MEGF11: variants seen among roughly 807,000 people sequenced by gnomAD.
MEGF11 encodes the protein multiple EGF like domains 11.
A neutral mutation model predicts 146.6 loss-of-function variants in MEGF11; 126 were observed. The ratio of observed to expected loss-of-function variants is 0.86; its 90% CI spans 0.74 to 1.00. The LOEUF (loss-of-function observed/expected upper bound fraction) is 1.00. MEGF11 is among the 50% of genes least tolerant of loss of function. MEGF11 has a pLI of 0.00. For missense variants in MEGF11, 1,509 were observed against 1,521.2 expected, an observed-to-expected ratio of 0.99 and a Z score of 0.13; for synonymous variants, 532 against 583.4, an observed-to-expected ratio of 0.91 and a Z score of 1.27.
chr15:65,933,201 C>A (rs182620723), intron 10 of MEGF11, among the ~76,000 whole-genome samples: 2 of 152,336 alleles, frequency 1.3e-5, no homozygotes, highest in Admixed American at 6.5e-5. Context: ...GCAGGCCTGA[C>A]CAGTTGGAGT....
At chr15:66,215,449 C>T (rs1213429462) in intron 1 of MEGF11, among the ~76,000 whole-genome samples, 1 of 152,100 alleles carries the variant, frequency 6.6e-6, no homozygotes, top group African/African-American at 2.4e-5. Context: ...CACAATAATA[C>T]AGGAGCTGAT....
intron 1 of MEGF11, among the ~76,000 whole-genome samples, chr15:66,237,701 G>A (rs565599523): frequency 1.2e-4 from 18 of 152,294 alleles, no homozygotes; most frequent in East Asian, 5.8e-4. Flanking sequence ...ATCTCCCGCC[G>A]GGCTCAATGC....
rs2078423743 is a variant in MEGF11, at chr15:65,898,943, C to T, written c.3056-9G>A. 4 of 1,613,376 alleles carry T rather than the reference C, an allele frequency of 2.5e-6. No homozygotes were observed. Among genetic ancestry groups the T allele is most frequent in the Non-Finnish European group, 3.4e-6 (4 of 1,179,470 alleles). ...GGATTCTTTCATGTAATCTGCAAGG[C>T]AAGAGACATTTCTTAGGACAAGCAA... On this transcript the variant is annotated splice_polypyrimidine_tract_variant and intron_variant, in intron 24 of 25. Transcript: ENST00000395614.
chr15:66,143,368 G>A (rs1352235816), intron 1 of MEGF11, among the ~76,000 whole-genome samples: 3 of 152,326 alleles, frequency 2.0e-5, no homozygotes, highest in African/African-American at 7.2e-5. Context: ...GCGGACAGGG[G>A]ATGAGATTCC....
At chr15:66,061,539 T>C (rs954300895) in intron 5 of MEGF11, among the ~76,000 whole-genome samples, 4 of 152,134 alleles carry the variant, frequency 2.6e-5, no homozygotes, top group Non-Finnish European at 1.5e-5. Flanking sequence ...GGCAAACTCA[T>C]GACCTACTCA....
chr15:66,127,057 G>A (rs971807521), intron 2 of MEGF11, among the ~76,000 whole-genome samples: 11 of 152,124 alleles, frequency 7.2e-5, no homozygotes, highest in African/African-American at 2.2e-4. Flanking sequence ...TTTGTGAAAC[G>A]GCTGCCCTTG....
chr15:66,098,744 T>C (rs2086656354), intron 4 of MEGF11, among the ~76,000 whole-genome samples: 1 of 152,328 alleles, frequency 6.6e-6, no homozygotes, highest in East Asian at 1.9e-4. Context: ...TACATCCACG[T>C]GGACCCAAGT....
chr15:66,094,518 G>A (rs375763959), intron 4 of MEGF11, 24 bp from the exon 5 acceptor site: 2 of 1,543,148 alleles, frequency 1.3e-6, no homozygotes, highest in African/African-American at 1.4e-5. Flanking sequence ...GGGAGAGGGA[G>A]GAAGAACCAG....
In MEGF11 at chr15:66,213,668, C is replaced by T. The variant is rs150249298; in HGVS notation, c.-9+39937G>A. Among the ~76,000 whole-genome samples the T allele has an allele frequency of 5.5e-3, 829 of 151,922 alleles. 5 individuals are homozygous for T. Among genetic ancestry groups the T allele is most frequent in the South Asian group, 0.01 (50 of 4,784 alleles). On this transcript the variant is annotated intron_variant, in intron 1 of 25. Transcript: ENST00000395614. ...CTGGCTTCAAACAATCCTCCTGCCT[C>T]AGCATCCCAAAGCACTGAGATTACA...
intron 10 of MEGF11, among the ~76,000 whole-genome samples, chr15:65,931,732 A>G (rs1363905098): frequency 6.6e-6 from 1 of 152,204 alleles, no homozygotes; most frequent in East Asian, 1.9e-4. Flanking sequence ...GAGTAGTAAT[A>G]TCCTATCCGC....
At chr15:66,145,233 C>T (rs1403188198) in intron 1 of MEGF11, among the ~76,000 whole-genome samples, 4 of 152,116 alleles carry the variant, frequency 2.6e-5, no homozygotes, top group African/African-American at 9.7e-5. Flanking sequence ...CTAATGATAA[C>T]TCTGTGAGCT....
chr15:66,048,592 G>C (rs2084322372), intron 5 of MEGF11, among the ~76,000 whole-genome samples: 1 of 152,232 alleles, frequency 6.6e-6, no homozygotes. Context: ...AACACACACA[G>C]AGACATCTTG....
Position 65,982,482 on chromosome 15 carries a change from T to C in MEGF11, c.401A>G (p.Asp134Gly). ...GCAGTGGGGCCCCCAGTGGTCGCTG[T>C]CGCAGCCTGCAAGAGACGGGACAGT... ...WGGPDCSSGCDSDHWGPHCSN... is the reference protein window; with the variant it reads ...WGGPDCSSGCGSDHWGPHCSN... Residue 134 changes from aspartate (D) to glycine (G), a missense_variant, in exon 6 of 26, where the codon GAC becomes GGC. Asp to Gly is a moderately conservative substitution (Grantham distance 94, BLOSUM62 -1). Transcript: ENST00000395614. The surrounding 1 kb of genome is among the most constrained non-coding windows in gnomAD (Gnocchi z 5.6). 2 of 1,476,146 alleles carry C rather than the reference T, an allele frequency of 1.4e-6. No individual in the cohort carries two copies. Among genetic ancestry groups the C allele is most frequent in the Non-Finnish European group, 1.8e-6 (2 of 1,113,246 alleles). The allele number at this position is 1,476,146 out of a possible 1,614,324, so 91.4% of individuals were successfully genotyped here.
intron 24 of MEGF11, 85 bp from the exon 25 acceptor site, chr15:65,899,019 G>T: frequency 7.5e-7 from 1 of 1,325,188 alleles, no homozygotes; most frequent in Non-Finnish European, 1.1e-6. Context: ...TTGAGTTTAT[G>T]TGCCTTCAGG....
intron 5 of MEGF11, among the ~76,000 whole-genome samples, chr15:66,077,983 A>T (rs1199840732): frequency 6.6e-6 from 1 of 152,176 alleles, no homozygotes; most frequent in Non-Finnish European, 1.5e-5. Flanking sequence ...GAGAGCAGGG[A>T]CACAGGTGTG....
chr15:65,941,355 C>G (rs183670566), intron 10 of MEGF11, among the ~76,000 whole-genome samples: 2 of 151,814 alleles, frequency 1.3e-5, no homozygotes, highest in African/African-American at 4.8e-5. Flanking sequence ...GGCTGAGGCA[C>G]GAGAACAGCT....
chr15:66,077,409 T>C (rs1211975808), intron 5 of MEGF11, among the ~76,000 whole-genome samples: 2 of 152,236 alleles, frequency 1.3e-5, no homozygotes, highest in African/African-American at 2.4e-5. Context: ...ATTGCAATTC[T>C]TGGGGCACGT....
chr15:66,088,655 CAA>C (rs5813374), intron 5 of MEGF11, among the ~76,000 whole-genome samples: 178 of 145,970 alleles, frequency 1.2e-3, no homozygotes, highest in East Asian at 2.0e-3. Flanking sequence ...ACTTCATTCT[CAA>C]AAAAAAAAAA....
At chr15:66,012,884 C>G (rs868567383) in intron 5 of MEGF11, among the ~76,000 whole-genome samples, 1 of 152,214 alleles carries the variant, frequency 6.6e-6, no homozygotes, top group Non-Finnish European at 1.5e-5. Context: ...TGATGATGGG[C>G]CAGCCCCCGC....
Sources: allele counts gnomAD v4.1 joint callset (sites outside exome capture counted in the v4.1 genomes callset), GRCh38; gene constraint gnomAD v4.1.1; non-coding constraint Gnocchi (gnomAD v3.1); transcripts MANE v1.5; gene names NCBI Gene and HGNC (gene_info 2026-07-23, HGNC 2026-07-21).